The following USP34 variants were observed in gnomAD, a reference collection of about 807,000 sequenced individuals.
USP34 encodes the protein ubiquitin carboxyl-terminal hydrolase 34.
USP34 carries 70 observed loss-of-function variants against 460.3 expected under a neutral mutation model. The ratio of observed to expected loss-of-function variants is 0.15; its 90% confidence interval spans 0.13 to 0.19. The LOEUF is 0.19. Ranked by LOEUF, USP34 falls within the 10% of genes least tolerant of loss-of-function variation. USP34 has a pLI of 1.00. For missense variants in USP34, 3,985 were observed against 4,236.2 expected (o/e 0.94, Z 1.65); for synonymous variants, 1,647 against 1,405.3 (o/e 1.17, Z -3.85).
At position 61,368,500 on chromosome 2, in the gene USP34, G is replaced by A. The variant is rs117632701; in HGVS notation, c.1251+1821C>T. The stretch of plus-strand genomic sequence containing the variant: ...TCCAAAAACAGATAGCTGGCCCACA[G>A]ACTATAAGTTTACCAATCCCTGGTA... On this transcript the variant is annotated intron_variant, in intron 10 of 79. Coordinates refer to ENST00000398571, the MANE Select transcript of USP34 (RefSeq NM_014709.4). Among the ~76,000 whole-genome samples the A allele has an allele frequency of 6.6e-5, 10 of 151,546 alleles. No homozygotes were observed. In the East Asian group the frequency reaches 1.5e-3, roughly 23 times the overall value.
chr2:61,314,088 T>G (rs1690674180), intron 25 of USP34, among the ~76,000 whole-genome samples: 1 of 152,090 alleles, frequency 6.6e-6, no homozygotes, highest in Non-Finnish European at 1.5e-5. Context: ...ATACAGATAT[T>G]CATTAACAGA....
intron 20 of USP34, among the ~76,000 whole-genome samples, chr2:61,326,777 ATTTTTT>A (rs35060068): frequency 9.7e-6 from 1 of 103,026 alleles, no homozygotes. Flanking sequence ...GTCAATGGGC[ATTTTTT>A]TTTTTTTTTT....
chr2:61,408,383 A>G (rs760795253), intron 2 of USP34, among the ~76,000 whole-genome samples: 25 of 152,082 alleles, frequency 1.6e-4, no homozygotes, highest in Non-Finnish European at 3.4e-4. Context: ...TATTTTTGTC[A>G]CACAGAAATA....
intron 69 of USP34, among the ~76,000 whole-genome samples, chr2:61,210,752 C>A (rs1687252379): frequency 6.6e-6 from 1 of 152,070 alleles, no homozygotes; most frequent in African/African-American, 2.4e-5. Context: ...CGCTCTGTCA[C>A]CCAGGCTGGA....
chr2:61,198,082 T>C (rs1686860056), intron 75 of USP34, among the ~76,000 whole-genome samples: 1 of 152,154 alleles, frequency 6.6e-6, no homozygotes, highest in Non-Finnish European at 1.5e-5. Flanking sequence ...TTCCATAATA[T>C]TAAAATAACT....
At position 61,199,761 on chromosome 2, in the gene USP34, A is replaced by G. The variant is rs368109702; in HGVS notation, c.9508+3379T>C. ...AGGCTATTTACCCACTGCTTTGCCT[A>G]TGTATTTCTGAACCTATACTACATG... is the stretch of plus-strand genomic sequence containing the variant. On this transcript the variant is annotated intron_variant, in intron 75 of 79. Coordinates refer to ENST00000398571, the MANE Select transcript of USP34 (RefSeq NM_014709.4). Among the ~76,000 whole-genome samples, 8 of 152,316 alleles carry G rather than the reference A, an allele frequency of 5.3e-5. No individual in the cohort carries two copies. In the East Asian group the frequency reaches 7.7e-4, roughly 15 times the overall value.
chr2:61,281,350 G>A, intron 37 of USP34, 108 bp from the exon 38 acceptor site: 1 of 1,361,452 alleles, frequency 7.3e-7, no homozygotes, highest in Non-Finnish European at 9.8e-7. Context: ...TGCCGGGCAA[G>A]CCTGTAATCC....
chr2:61,421,082 A>G (rs541100465), intron 1 of USP34, among the ~76,000 whole-genome samples: 1 of 152,228 alleles, frequency 6.6e-6, no homozygotes, highest in South Asian at 2.1e-4. Context: ...CATCTCCAAA[A>G]CCAGCCTTCC....
intron 72 of USP34, 142 bp downstream of exon 72, chr2:61,205,875 T>C (rs1687104698): frequency 3.4e-6 from 2 of 589,856 alleles, no homozygotes; most frequent in Non-Finnish European, 3.0e-6. Flanking sequence ...TTCTTTATTT[T>C]CTTAGGACCT....
chr2:61,250,649 T>C (rs1285505574), intron 48 of USP34: 1 of 154,288 alleles, frequency 6.5e-6, no homozygotes, highest in Non-Finnish European at 1.5e-5. Context: ...AACCTGGCTG[T>C]TCATTAGTGG....
chr2:61,233,898 G>C (rs1322598828), intron 57 of USP34, among the ~76,000 whole-genome samples: 1 of 151,912 alleles, frequency 6.6e-6, no homozygotes, highest in Admixed American at 6.6e-5. Flanking sequence ...ATTACTGGGA[G>C]TGAATGAAAT....
chr2:61,342,296 CTTTTTTT>C lies in USP34; in HGVS notation c.2500+1512_2500+1518del, dbSNP rs34298126. ...TGAGAGTGTACTTACTGGCCGTTTC[CTTTTTTT>C]TTTTTTTTTTTTTTTAAGACGGAGT... On this transcript the variant is annotated intron_variant, in intron 16 of 79. Transcript: ENST00000398571. Among the ~76,000 whole-genome samples the C allele has an allele frequency of 4.8e-4, 46 of 95,100 alleles. 1 individual carries two copies. In the East Asian group the frequency reaches 0.014, roughly 28 times the overall value. 62.4% of individuals were successfully genotyped at this position (95,100 alleles called of 152,430 possible). A position where few individuals can be genotyped will look rare whatever the true frequency, so the allele number is the denominator to read the frequency against.
At chr2:61,289,694 A>C (rs569875952) in intron 33 of USP34, among the ~76,000 whole-genome samples, 1 of 152,270 alleles carries the variant, frequency 6.6e-6, no homozygotes, top group East Asian at 1.9e-4. Context: ...ATTCAGAGAG[A>C]AAAAAAGTCT....
intron 6 of USP34, among the ~76,000 whole-genome samples, chr2:61,380,915 A>T (rs1364001488): frequency 6.6e-6 from 1 of 152,182 alleles, no homozygotes; most frequent in Non-Finnish European, 1.5e-5. Context: ...CACAAGACCA[A>T]TCGGCATGGC....
chr2:61,222,789 C>G, intron 64 of USP34, 126 bp from the exon 65 acceptor site: 1 of 854,640 alleles, frequency 1.2e-6, no homozygotes, highest in Non-Finnish European at 1.9e-6. Flanking sequence ...CTCCACTTCT[C>G]AGGCTCAAGC....
chr2:61,335,127 G>A (rs1292914077), intron 18 of USP34, among the ~76,000 whole-genome samples: 3 of 152,088 alleles, frequency 2.0e-5, no homozygotes, highest in Non-Finnish European at 4.4e-5. Context: ...AACACAGAAT[G>A]GGAAAGATAA....
In USP34 at chr2:61,243,169, G is replaced by A. The variant is rs191770403; in HGVS notation, c.6628-1350C>T. ...CGTACATTTTATATTTTTTTGAGACGGAGTTTTGCTCTTGTTACCCAGGCT... is the reference window on the plus strand; with the variant it reads ...CGTACATTTTATATTTTTTTGAGACAGAGTTTTGCTCTTGTTACCCAGGCT... On this transcript the variant is annotated intron_variant, in intron 51 of 79. Coordinates refer to ENST00000398571, the MANE Select transcript of USP34 (RefSeq NM_014709.4). Among the ~76,000 whole-genome samples the A allele has an allele frequency of 2.1e-3, 303 of 146,964 alleles. 1 individual carries two copies. The highest frequency in any genetic ancestry group is 6.7e-3 in the African/African-American group (267 of 39,582).
intron 58 of USP34, among the ~76,000 whole-genome samples, chr2:61,230,914 G>T (rs1341150477): frequency 6.7e-6 from 1 of 149,684 alleles, no homozygotes; most frequent in African/African-American, 2.4e-5. Flanking sequence ...ACAAAGAAGT[G>T]ACAAAGTATA....
chr2:61,444,505 G>A (rs570180434), intron 1 of USP34, among the ~76,000 whole-genome samples: 1 of 152,166 alleles, frequency 6.6e-6, no homozygotes, highest in South Asian at 2.1e-4. Flanking sequence ...GACTACATTT[G>A]AAAAAATAAT....
Sources: gnomAD v4.1 joint callset for allele counts (sites outside exome capture counted in the v4.1 genomes callset) on GRCh38, gnomAD v4.1.1 for gene constraint, MANE v1.5 for transcripts, NCBI Gene and HGNC (gene_info 2026-07-23, HGNC 2026-07-21) for gene names.